The following CTNNA3 variants were observed in gnomAD, a reference collection of about 807,000 sequenced individuals.
CTNNA3 encodes catenin alpha-3.
CTNNA3 carries 76 observed loss-of-function variants against 95.7 expected under a neutral mutation model. The ratio of observed to expected loss-of-function variants is 0.79; its 90% confidence interval spans 0.66 to 0.96. CTNNA3 has a LOEUF of 0.96. Among genes scored for constraint, CTNNA3 ranks in the 40% least tolerant of loss-of-function variants. The pLI is 0.00. For missense variants in CTNNA3, 1,191 were observed against 1,089.8 expected (o/e 1.09, Z -1.31); for synonymous variants, 431 against 374.4 (o/e 1.15, Z -1.74).
chr10:67,630,169 C>G (rs10997762), intron 2 of CTNNA3, among the ~76,000 whole-genome samples: 1 of 152,016 alleles, frequency 6.6e-6, no homozygotes, highest in African/African-American at 2.4e-5. Context: ...ACAAAAGGAA[C>G]CCCTAAAAAG....
chr10:67,078,319 G>A (rs1856841580), intron 7 of CTNNA3, among the ~76,000 whole-genome samples: 1 of 152,144 alleles, frequency 6.6e-6, no homozygotes, highest in African/African-American at 2.4e-5. Context: ...CCAAGGTACA[G>A]TGTCAAAAGC....
chr10:66,907,549 T>C (rs1216565569), intron 7 of CTNNA3, among the ~76,000 whole-genome samples: 6 of 152,150 alleles, frequency 3.9e-5, no homozygotes, highest in African/African-American at 1.4e-4. Context: ...ATTTCCATCT[T>C]AAAGCAAAGA....
At chr10:67,190,071 G>T (rs1226315259) in intron 6 of CTNNA3, among the ~76,000 whole-genome samples, 2 of 152,048 alleles carry the variant, frequency 1.3e-5, no homozygotes, top group Admixed American at 1.3e-4. Flanking sequence ...GTAGCCTAAA[G>T]GCTATCTTCC....
At chr10:67,068,576 T>C (rs951334362) in intron 7 of CTNNA3, among the ~76,000 whole-genome samples, 1 of 152,128 alleles carries the variant, frequency 6.6e-6, no homozygotes, top group Non-Finnish European at 1.5e-5. Flanking sequence ...AACAGAACTT[T>C]GGACAGTTCT....
At chr10:67,705,341 C>T (rs1313445469) in intron 1 of CTNNA3, among the ~76,000 whole-genome samples, 92 of 150,752 alleles carry the variant, frequency 6.1e-4, no homozygotes, top group African/African-American at 1.3e-3. Flanking sequence ...ATGTTTATTG[C>T]GGCACTATTC....
intron 1 of CTNNA3, among the ~76,000 whole-genome samples, chr10:67,695,788 G>A (rs1256742850): frequency 6.6e-6 from 1 of 152,104 alleles, no homozygotes; most frequent in Non-Finnish European, 1.5e-5. Flanking sequence ...GCAATAGTTC[G>A]AAAGTTATTT....
chr10:66,169,485 C>T (rs566996213), intron 13 of CTNNA3, among the ~76,000 whole-genome samples: 28 of 152,184 alleles, frequency 1.8e-4, no homozygotes, highest in African/African-American at 5.3e-4. Flanking sequence ...TATAAACATG[C>T]GTGTGCAAGT....
chr10:67,456,632 G>A (rs1701446718), intron 5 of CTNNA3, among the ~76,000 whole-genome samples: 2 of 152,108 alleles, frequency 1.3e-5, no homozygotes, highest in Admixed American at 6.6e-5. Context: ...GTATGAACAT[G>A]AGCAGTGTAG....
At chr10:66,400,834 CTT>C (rs1405629804) in intron 11 of CTNNA3, among the ~76,000 whole-genome samples, 2 of 152,140 alleles carry the variant, frequency 1.3e-5, no homozygotes, top group Non-Finnish European at 2.9e-5. Flanking sequence ...TCAAGGAACT[CTT>C]TGACTTCCCT....
chr10:67,056,351 G>A (rs747706324), intron 7 of CTNNA3, among the ~76,000 whole-genome samples: 23 of 152,180 alleles, frequency 1.5e-4, no homozygotes, highest in Middle Eastern at 3.4e-3. Context: ...ATGCATAATT[G>A]GTCATTGTTA....
chr10:67,701,889 A>C (rs946654647), intron 1 of CTNNA3, among the ~76,000 whole-genome samples: 4 of 152,030 alleles, frequency 2.6e-5, no homozygotes, highest in Non-Finnish European at 5.9e-5. Context: ...CCATCTCACG[A>C]GCAGAGACAC....
chr10:67,293,092 C>T (rs1182369410), intron 5 of CTNNA3, among the ~76,000 whole-genome samples: 5 of 152,122 alleles, frequency 3.3e-5, no homozygotes, highest in African/African-American at 1.2e-4. Context: ...GTTATAAATA[C>T]TACCTATTTC....
At chr10:67,168,855 A>G (rs1222862611) in intron 7 of CTNNA3, among the ~76,000 whole-genome samples, 2 of 152,230 alleles carry the variant, frequency 1.3e-5, no homozygotes, top group Non-Finnish European at 2.9e-5. Flanking sequence ...CTGTTAGCAG[A>G]TGACATGATT....
Position 66,967,200 on chromosome 10 carries a change from C to T in CTNNA3, c.1048-191676G>A, listed in dbSNP as rs149404326. ...TCTTATGTGTACAAGCACATACACG[C>T]ATACATTAGCCTTGACATAAACCAT... On this transcript the variant is annotated intron_variant, in intron 7 of 17. Coordinates refer to ENST00000433211, the MANE Select transcript of CTNNA3 (RefSeq NM_013266.4). 2.8e-3 allele frequency among the ~76,000 whole-genome samples: 427 copies of T among 152,050 alleles called. 5 individuals carry two copies. The highest frequency in any genetic ancestry group is 9.9e-3 in the African/African-American group (409 of 41,512).
intron 5 of CTNNA3, among the ~76,000 whole-genome samples, chr10:67,234,464 C>CT (rs1367393283): frequency 1.3e-5 from 2 of 152,002 alleles, no homozygotes; most frequent in Non-Finnish European, 2.9e-5. Flanking sequence ...AATTCAACAA[C>CT]CTTCATGCTA....
intron 7 of CTNNA3, among the ~76,000 whole-genome samples, chr10:67,058,002 C>A (rs898148134): frequency 6.6e-6 from 1 of 152,124 alleles, no homozygotes; most frequent in Admixed American, 6.6e-5. Flanking sequence ...TAAGTGATTG[C>A]GCAAAGTTCC....
At chr10:66,330,624 T>C (rs1338983880) in intron 12 of CTNNA3, among the ~76,000 whole-genome samples, 5 of 152,096 alleles carry the variant, frequency 3.3e-5, no homozygotes, top group Admixed American at 2.6e-4. Context: ...TTTCTAGTTC[T>C]AGATTCCTGA....
At chr10:66,018,062 C>T (rs1253372826) in intron 15 of CTNNA3, among the ~76,000 whole-genome samples, 1 of 151,964 alleles carries the variant, frequency 6.6e-6, no homozygotes, top group Admixed American at 6.6e-5. Context: ...TCCTCAACTT[C>T]GTCCAGAAAC....
intron 9 of CTNNA3, among the ~76,000 whole-genome samples, chr10:66,646,674 C>A (rs1194323264): frequency 6.6e-6 from 1 of 152,038 alleles, no homozygotes; most frequent in African/African-American, 2.4e-5. Flanking sequence ...CAATTAGAAC[C>A]AAAGCAGTAC....
Sources: gnomAD v4.1 joint callset for allele counts (sites outside exome capture counted in the v4.1 genomes callset) on GRCh38, gnomAD v4.1.1 for gene constraint, MANE v1.5 for transcripts, NCBI Gene and HGNC (gene_info 2026-07-23, HGNC 2026-07-21) for gene names.